Variants in MGAT4C observed in about 807,000 individuals in gnomAD.
The protein encoded by MGAT4C is MGAT4 family member C.
A neutral mutation model predicts 40.1 loss-of-function variants in MGAT4C; 19 were observed. The observed-to-expected ratio is 0.47, with a 90% CI of 0.33 to 0.70. MGAT4C has a LOEUF of 0.70. Ranked by LOEUF, MGAT4C falls within the 30% of genes least tolerant of loss-of-function variation. The pLI is 0.02. For missense variants in MGAT4C, 491 were observed against 563.2 expected (o/e 0.87, Z 1.30); for synonymous variants, 181 against 187.1 (o/e 0.97, Z 0.27).
chr12:86,281,719 T>G (rs1953223776), intron 4 of MGAT4C, among the ~76,000 whole-genome samples: 1 of 152,076 alleles, frequency 6.6e-6, no homozygotes, highest in Admixed American at 6.6e-5. Flanking sequence ...AATGTATTAT[T>G]GTATTTTAAC....
intron 1 of MGAT4C, among the ~76,000 whole-genome samples, chr12:86,129,496 C>T (rs993099956): frequency 1.3e-5 from 2 of 149,896 alleles, no homozygotes; most frequent in Admixed American, 1.3e-4. Context: ...CTCTTCCTCA[C>T]GGGGAACTGG....
At chr12:86,651,166 AC>A (rs1963685291) in intron 2 of MGAT4C, among the ~76,000 whole-genome samples, 1 of 151,916 alleles carries the variant, frequency 6.6e-6, no homozygotes, top group Non-Finnish European at 1.5e-5. Context: ...TGTGCTATCC[AC>A]CTTTTACAAA....
chr12:86,412,894 T>C (rs913705458), intron 3 of MGAT4C, among the ~76,000 whole-genome samples: 2 of 152,156 alleles, frequency 1.3e-5, no homozygotes, highest in Non-Finnish European at 2.9e-5. Flanking sequence ...GACTTCCTCC[T>C]TGAGGTTCTC....
In MGAT4C at chr12:86,362,239, G is replaced by A. The variant is rs1380349991; in HGVS notation, c.-119-28112C>T. Among the ~76,000 whole-genome samples the A allele has an allele frequency of 7.2e-5, 11 of 152,192 alleles. No individual in the cohort carries two copies. In the East Asian group the frequency reaches 1.2e-3, roughly 16 times the overall value. ...ATTCTCAGCAAACTATCGCAAGGAC[G>A]GAAAACCAAACACTGCATGTTCTCA... is the stretch of plus-strand genomic sequence containing the variant. On this transcript the variant is annotated intron_variant, in intron 3 of 7. Transcript: ENST00000548651.
At chr12:86,104,221 C>T (rs143345457) in intron 1 of MGAT4C, among the ~76,000 whole-genome samples, 2 of 148,204 alleles carry the variant, frequency 1.3e-5, no homozygotes, top group Non-Finnish European at 3.0e-5. Context: ...CCAGGAGATA[C>T]AGACAAGCCT....
chr12:86,189,576 T>C (rs998903772), intron 1 of MGAT4C, among the ~76,000 whole-genome samples: 4 of 152,038 alleles, frequency 2.6e-5, no homozygotes, highest in African/African-American at 9.7e-5. Context: ...TTAAAGCTAC[T>C]GATTTCCTAT....
At chr12:86,599,182 T>C (rs1422545871) in intron 2 of MGAT4C, among the ~76,000 whole-genome samples, 1 of 152,074 alleles carries the variant, frequency 6.6e-6, no homozygotes, top group Non-Finnish European at 1.5e-5. Context: ...ACAAAACCCA[T>C]AGAGCCTGTA....
At chr12:86,747,003 ATACTAGGTGCT>A (rs758826260) in intron 1 of MGAT4C, among the ~76,000 whole-genome samples, 2 of 151,618 alleles carry the variant, frequency 1.3e-5, no homozygotes, top group Non-Finnish European at 3.0e-5. Context: ...GTAATGACTC[ATACTAGGTGCT>A]TAAATATAAA....
chr12:86,210,144 G>A (rs758903470), intron 1 of MGAT4C, among the ~76,000 whole-genome samples: 20 of 152,126 alleles, frequency 1.3e-4, no homozygotes, highest in African/African-American at 2.4e-4. Flanking sequence ...TTTTTGAATC[G>A]TGGTCTTTTT....
chr12:86,835,819 T>A (rs181788700), intron 1 of MGAT4C, among the ~76,000 whole-genome samples: 1 of 151,738 alleles, frequency 6.6e-6, no homozygotes, highest in South Asian at 2.1e-4. Flanking sequence ...AAAATAGACA[T>A]GTGATAATAT....
chr12:86,206,402 T>C (rs1368619757), intron 1 of MGAT4C, among the ~76,000 whole-genome samples: 1 of 152,158 alleles, frequency 6.6e-6, no homozygotes, highest in Non-Finnish European at 1.5e-5. Flanking sequence ...TATACACATG[T>C]AATTAATGAC....
intron 2 of MGAT4C, among the ~76,000 whole-genome samples, chr12:86,558,391 C>T (rs556339859): frequency 2.0e-5 from 3 of 151,824 alleles, no homozygotes; most frequent in South Asian, 4.2e-4. Context: ...AAAAGTAATC[C>T]CCAAAGCACA....
chr12:86,269,952 T>TCAGTATCA, intron 4 of MGAT4C, among the ~76,000 whole-genome samples: 1 of 152,270 alleles, frequency 6.6e-6, no homozygotes. Flanking sequence ...GTTGTACAGG[T>TCAGTATCA]CAGTATCATA....
intron 2 of MGAT4C, among the ~76,000 whole-genome samples, chr12:85,990,135 T>A (rs1885719627): frequency 6.6e-6 from 1 of 152,110 alleles, no homozygotes; most frequent in South Asian, 2.1e-4. Flanking sequence ...TTCCAATTAT[T>A]CTTGTTAAAT....
intron 1 of MGAT4C, among the ~76,000 whole-genome samples, chr12:86,753,967 A>G (rs1331524795): frequency 6.6e-6 from 1 of 152,176 alleles, no homozygotes; most frequent in South Asian, 2.1e-4. Flanking sequence ...AAAAATGTAA[A>G]CAAATAAGTA....
intron 2 of MGAT4C, among the ~76,000 whole-genome samples, chr12:86,588,017 G>T (rs1961142601): frequency 6.6e-6 from 1 of 151,948 alleles, no homozygotes; most frequent in Non-Finnish European, 1.5e-5. Flanking sequence ...GGGCATCCCT[G>T]TCTTGTGCCA....
chr12:86,385,029 A>G (rs886476296), intron 3 of MGAT4C, among the ~76,000 whole-genome samples: 6 of 152,232 alleles, frequency 3.9e-5, no homozygotes, highest in Non-Finnish European at 8.8e-5. Context: ...CCTACTAAAA[A>G]GAATATTTTG....
intron 3 of MGAT4C, among the ~76,000 whole-genome samples, chr12:86,353,931 A>G (rs550611485): frequency 6.6e-6 from 1 of 152,248 alleles, no homozygotes; most frequent in Non-Finnish European, 1.5e-5. Context: ...CGGTATTTAG[A>G]GAGTACAAGG....
At chr12:86,711,765 T>C (rs1950559700) in intron 2 of MGAT4C, among the ~76,000 whole-genome samples, 1 of 152,182 alleles carries the variant, frequency 6.6e-6, no homozygotes, top group Non-Finnish European at 1.5e-5. Context: ...ATATGTCTCA[T>C]ATTTGTGTTG....
Sources: allele counts gnomAD v4.1 joint callset (sites outside exome capture counted in the v4.1 genomes callset), GRCh38; gene constraint gnomAD v4.1.1; transcripts MANE v1.5; gene names NCBI Gene and HGNC (gene_info 2026-07-23, HGNC 2026-07-21).